The following CDC14A variants were observed in gnomAD, a reference collection of about 807,000 sequenced individuals.
The protein encoded by CDC14A is cell division cycle 14A, also known as dual specificity protein phosphatase CDC14A.
Under a neutral mutation model 74.4 loss-of-function variants are expected in CDC14A, and 53 were observed. That is an observed-to-expected ratio of 0.71 (90% CI 0.57 to 0.89). The LOEUF is 0.89. CDC14A is among the 40% of genes least tolerant of loss of function. The pLI, the probability that CDC14A is intolerant of heterozygous loss-of-function variation, is 0.00. For missense variants in CDC14A, 646 were observed against 713.7 expected (o/e 0.91, Z 1.08); for synonymous variants, 247 against 258.4 (o/e 0.96, Z 0.43).
chr1:100,486,363 A>G (rs181622425), intron 11 of CDC14A, among the ~76,000 whole-genome samples: 1 of 152,366 alleles, frequency 6.6e-6, no homozygotes, highest in East Asian at 1.9e-4. Flanking sequence ...GGAATGCAAT[A>G]TGATTGGAAT....
At chr1:100,427,723 A>G (rs1035992990) in intron 5 of CDC14A, among the ~76,000 whole-genome samples, 1 of 152,206 alleles carries the variant, frequency 6.6e-6, no homozygotes, top group Non-Finnish European at 1.5e-5. Context: ...AGTGCCAGTC[A>G]CTGTGATAGT....
Position 100,410,676 on chromosome 1 carries a change from G to A in CDC14A, c.310-13546G>A, listed in dbSNP as rs1660570481. Among the ~76,000 whole-genome samples the A allele has an allele frequency of 3.9e-5, 6 of 152,198 alleles. No homozygotes were observed. In the South Asian group the frequency reaches 1.2e-3, roughly 32 times the overall value. On this transcript the variant is annotated intron_variant, in intron 4 of 15. Transcript: ENST00000336454. ...TTGGAATATCCTGGCATTGGGCTGT[G>A]TTTAAAAAGTATATTAGACTTTACA...
At chr1:100,350,854 GT>G (rs1650901284), upstream of CDC14A, among the ~76,000 whole-genome samples, 1 of 152,114 alleles carries the variant, frequency 6.6e-6, no homozygotes, top group African/African-American at 2.4e-5. Flanking sequence ...CATATACTTT[GT>G]TTTTCCCTAT....
intron 10 of CDC14A, among the ~76,000 whole-genome samples, chr1:100,468,934 T>A (rs1386682031): frequency 6.6e-6 from 1 of 152,114 alleles, no homozygotes; most frequent in Admixed American, 6.6e-5. Flanking sequence ...TAATTTTTTA[T>A]TTTTTGTAGA....
intron 4 of CDC14A, among the ~76,000 whole-genome samples, chr1:100,392,038 A>T (rs890416869): frequency 6.6e-6 from 1 of 152,228 alleles, no homozygotes; most frequent in Non-Finnish European, 1.5e-5. Context: ...GATGCACTTT[A>T]TCTCTCTCAG....
rs564697515 is a variant in CDC14A, at chr1:100,498,202, A to G, written c.1416A>G (p.Val472=). The G allele has an allele frequency of 1.3e-4, 215 of 1,613,672 alleles. 4 individuals carry two copies. In the South Asian group the frequency reaches 2.3e-3, roughly 17 times the overall value. The change falls in exon 14 of 16, where the codon GTA becomes GTG. Residue 472 remains valine, a synonymous_variant. Transcript: ENST00000336454. ...CTTCTTTGTCTTCGGGTGCCACTGT[A>G]AGAAGGTAATTTTTCTCTCCCTCTT... ...NRTSLSSGAT[V]RSFSINSRLA...
chr1:100,402,452 G>T (rs571498623), intron 4 of CDC14A, among the ~76,000 whole-genome samples: 13 of 152,226 alleles, frequency 8.5e-5, no homozygotes, highest in Non-Finnish European at 1.5e-4. Context: ...AGGTTATTTG[G>T]CTGCCTGGTA....
chr1:100,365,941 TACACAC>T (rs34281009), intron 2 of CDC14A, among the ~76,000 whole-genome samples: 170 of 142,500 alleles, frequency 1.2e-3, no homozygotes, highest in African/African-American at 4.1e-3. Flanking sequence ...AACAAAATTT[TACACAC>T]ACACACACAC....
intron 8 of CDC14A, 68 bp from the exon 9 acceptor site, chr1:100,462,583 G>C: frequency 1.7e-6 from 2 of 1,211,406 alleles, no homozygotes; most frequent in South Asian, 2.5e-5. Context: ...ATTGTTGAGA[G>C]TTTTGTATTT....
intron 2 of CDC14A, among the ~76,000 whole-genome samples, chr1:100,369,425 A>C (rs1654117527): frequency 6.6e-6 from 1 of 152,180 alleles, no homozygotes; most frequent in South Asian, 2.1e-4. Context: ...AATAGTAGCC[A>C]TTCTGACTGG....
At chr1:100,499,608 A>G (rs1648466475) in intron 15 of CDC14A, 1 of 595,742 alleles carries the variant, frequency 1.7e-6, no homozygotes, top group Non-Finnish European at 2.7e-6. Flanking sequence ...CACTCTGAAT[A>G]TCTGGTGCTA....
intron 13 of CDC14A, among the ~76,000 whole-genome samples, chr1:100,496,306 T>A (rs1186781046): frequency 6.6e-6 from 1 of 151,752 alleles, no homozygotes; most frequent in Non-Finnish European, 1.5e-5. Context: ...CTTAGCACAT[T>A]GTGGAGGGGG....
At chr1:100,364,510 C>T (rs570777834) in intron 2 of CDC14A, among the ~76,000 whole-genome samples, 4 of 152,278 alleles carry the variant, frequency 2.6e-5, no homozygotes, top group South Asian at 2.1e-4. Flanking sequence ...TGCCCCCGGC[C>T]CTGTGATCCT....
chr1:100,417,530 G>A (rs1661691899), intron 4 of CDC14A, among the ~76,000 whole-genome samples: 1 of 152,174 alleles, frequency 6.6e-6, no homozygotes. Context: ...AGAGGAAGTG[G>A]GAGAGTGAAT....
At chr1:100,470,890 A>C (rs771333929) in intron 10 of CDC14A, among the ~76,000 whole-genome samples, 1 of 152,166 alleles carries the variant, frequency 6.6e-6, no homozygotes, top group African/African-American at 2.4e-5. Flanking sequence ...ACGTTAATCT[A>C]TATTTAACTC....
At chr1:100,515,952 C>T (rs1333018555) in intron 15 of CDC14A, among the ~76,000 whole-genome samples, 1 of 152,150 alleles carries the variant, frequency 6.6e-6, no homozygotes, top group Non-Finnish European at 1.5e-5. Context: ...AAGGTCAATT[C>T]GTTGGCCAAA....
intron 10 of CDC14A, among the ~76,000 whole-genome samples, chr1:100,477,200 C>T (rs937072454): frequency 1.3e-5 from 2 of 152,114 alleles, no homozygotes; most frequent in African/African-American, 2.4e-5. Flanking sequence ...AACTGGTGTT[C>T]TTTTAAACCA....
intron 8 of CDC14A, among the ~76,000 whole-genome samples, chr1:100,456,867 A>C (rs1011259785): frequency 3.3e-5 from 5 of 152,208 alleles, no homozygotes; most frequent in Non-Finnish European, 5.9e-5. Flanking sequence ...GGATACCTCT[A>C]TGGTGAAGTC....
intron 10 of CDC14A, among the ~76,000 whole-genome samples, chr1:100,479,196 A>T (rs565935202): frequency 1.3e-5 from 2 of 152,232 alleles, no homozygotes; most frequent in Non-Finnish European, 2.9e-5. Flanking sequence ...GAAAATGGAA[A>T]ATGCTTGAAA....
Sources: gnomAD v4.1 joint callset for allele counts (sites outside exome capture counted in the v4.1 genomes callset) on GRCh38, gnomAD v4.1.1 for gene constraint, MANE v1.5 for transcripts, NCBI Gene and HGNC (gene_info 2026-07-23, HGNC 2026-07-21) for gene names.